Variants in ATXN2 observed in about 807,000 individuals in gnomAD.
ATXN2 encodes ataxin 2.
In ATXN2, 37 loss-of-function variants were observed where a neutral mutation model predicts 138.6. The observed-to-expected ratio is 0.27, with a 90% confidence interval of 0.21 to 0.35. The LOEUF (loss-of-function observed/expected upper bound fraction) is 0.35. ATXN2 is among the 10% of genes least tolerant of loss of function. The pLI, the probability that ATXN2 is intolerant of heterozygous loss-of-function variation, is 1.00. For synonymous variants in ATXN2, 549 were observed against 543.7 expected (o/e 1.01, Z -0.13); for missense variants, 1,216 against 1,480.3 (o/e 0.82, Z 2.93).
chr12:111,492,888 G>C (rs945371581), intron 14 of ATXN2, among the ~76,000 whole-genome samples: 1 of 152,072 alleles, frequency 6.6e-6, no homozygotes, highest in African/African-American at 2.4e-5. Flanking sequence ...CTTTCAGACA[G>C]AATTCAAGCT....
At chr12:111,472,671 C>A (rs1369298837) in intron 18 of ATXN2, among the ~76,000 whole-genome samples, 1 of 152,112 alleles carries the variant, frequency 6.6e-6, no homozygotes. Context: ...TGGGTTCAAG[C>A]GATTCTCCTA....
chr12:111,533,371 G>A (rs527782684), intron 5 of ATXN2, among the ~76,000 whole-genome samples: 4 of 152,116 alleles, frequency 2.6e-5, no homozygotes, highest in South Asian at 2.1e-4. Context: ...GCATACTCTC[G>A]CATACTTTAA....
At position 111,559,408 on chromosome 12, in the gene ATXN2, G is replaced by A. The variant is rs1240943537; in HGVS notation, c.252-3489C>T. Among the ~76,000 whole-genome samples the A allele has an allele frequency of 5.3e-5, 8 of 151,390 alleles. No homozygotes were observed. The South Asian group carries it at 6.2e-4, about 12-fold the overall frequency. On this transcript the variant is annotated intron_variant, in intron 1 of 24. Coordinates refer to ENST00000673436, the MANE Select transcript of ATXN2 (RefSeq NM_001372574.1). ...GCTACCACGCCCGGCCAAAGATGACGGTTTAACAAATAAATCACATGGGAC... is the reference window on the plus strand; with the variant it reads ...GCTACCACGCCCGGCCAAAGATGACAGTTTAACAAATAAATCACATGGGAC...
At chr12:111,502,698 T>C (rs988382252) in intron 14 of ATXN2, among the ~76,000 whole-genome samples, 2 of 152,186 alleles carry the variant, frequency 1.3e-5, no homozygotes, top group African/African-American at 4.8e-5. Flanking sequence ...CCCAAAGTGC[T>C]GGGATTACAG....
chr12:111,504,186 A>G (rs1395754492), intron 14 of ATXN2, among the ~76,000 whole-genome samples: 1 of 152,250 alleles, frequency 6.6e-6, no homozygotes, highest in African/African-American at 2.4e-5. Flanking sequence ...TGCCATAAGG[A>G]TAAGACATAG....
intron 20 of ATXN2, among the ~76,000 whole-genome samples, chr12:111,465,926 G>A (rs1875975788): frequency 1.3e-5 from 2 of 151,934 alleles, no homozygotes; most frequent in Admixed American, 1.3e-4. Flanking sequence ...AGCACTTTGG[G>A]AGGCTGAGGT....
intron 5 of ATXN2, among the ~76,000 whole-genome samples, chr12:111,535,430 C>T (rs1001356614): frequency 2.0e-5 from 3 of 151,690 alleles, no homozygotes; most frequent in African/African-American, 7.3e-5. Context: ...CGAGACCAGC[C>T]TGGGAAACAC....
chr12:111,592,782 CAAA>C (rs71083183), intron 1 of ATXN2, among the ~76,000 whole-genome samples: 20 of 26,032 alleles, frequency 7.7e-4, no homozygotes, highest in South Asian at 4.0e-3. Context: ...GACTCCGTCT[CAAA>C]AAAAAAAAAA....
chr12:111,566,308 T>C (rs992676603), intron 1 of ATXN2, among the ~76,000 whole-genome samples: 4 of 151,828 alleles, frequency 2.6e-5, no homozygotes, highest in African/African-American at 9.7e-5. Flanking sequence ...GGTGCATGCC[T>C]GTAATCCCAG....
At chr12:111,522,108 T>G (rs1375202212) in intron 6 of ATXN2, among the ~76,000 whole-genome samples, 1 of 151,830 alleles carries the variant, frequency 6.6e-6, no homozygotes, top group Non-Finnish European at 1.5e-5. Context: ...CCTGTGCTAC[T>G]CCAGGTAAGA....
chr12:111,459,255 T>C (rs1314485679), intron 21 of ATXN2, among the ~76,000 whole-genome samples: 1 of 152,210 alleles, frequency 6.6e-6, no homozygotes, highest in Non-Finnish European at 1.5e-5. Context: ...CCCATAAGTC[T>C]ATAAGACAGT....
At chr12:111,562,329 G>C (rs1024280108) in intron 1 of ATXN2, among the ~76,000 whole-genome samples, 3 of 152,012 alleles carry the variant, frequency 2.0e-5, no homozygotes, top group African/African-American at 7.3e-5. Context: ...GCTACAGATG[G>C]GAGGTTCACT....
chr12:111,534,951 A>G (rs1881062629), intron 5 of ATXN2, among the ~76,000 whole-genome samples: 1 of 152,142 alleles, frequency 6.6e-6, no homozygotes, highest in Non-Finnish European at 1.5e-5. Context: ...CCTGTGCAAC[A>G]CAGTGAGACA....
chr12:111,499,286 G>T (rs1878606480), intron 14 of ATXN2, among the ~76,000 whole-genome samples: 1 of 152,158 alleles, frequency 6.6e-6, no homozygotes, highest in Admixed American at 6.5e-5. Context: ...GAAAATATTT[G>T]CAAACTACTC....
chr12:111,484,956 G>C (rs1213927643), intron 18 of ATXN2, among the ~76,000 whole-genome samples: 2 of 152,118 alleles, frequency 1.3e-5, no homozygotes, highest in Non-Finnish European at 2.9e-5. Context: ...TTGGGCTCCT[G>C]AGCTCAAGCA....
intron 18 of ATXN2, among the ~76,000 whole-genome samples, chr12:111,472,498 C>T (rs1449195230): frequency 6.6e-6 from 1 of 152,096 alleles, no homozygotes; most frequent in African/African-American, 2.4e-5. Flanking sequence ...GTTACACTAA[C>T]ATTAAAAAAG....
chr12:111,575,349 T>C (rs180720778), intron 1 of ATXN2, among the ~76,000 whole-genome samples: 299 of 152,160 alleles, frequency 2.0e-3, no homozygotes, highest in African/African-American at 6.3e-3. Context: ...CATCCCCCAT[T>C]AATTAAAAAA....
intron 1 of ATXN2, among the ~76,000 whole-genome samples, chr12:111,576,981 C>T (rs1592920598): frequency 6.6e-6 from 1 of 151,078 alleles, no homozygotes; most frequent in Admixed American, 6.7e-5. Flanking sequence ...AATAAATAAA[C>T]AAACAAACAA....
intron 7 of ATXN2, among the ~76,000 whole-genome samples, 158 bp downstream of exon 7, chr12:111,520,724 C>CT (rs894845148): frequency 6.6e-6 from 1 of 151,914 alleles, no homozygotes; most frequent in African/African-American, 2.4e-5. Context: ...CATTTATTCC[C>CT]TTTTTTTAAT....
Sources: allele counts gnomAD v4.1 joint callset (sites outside exome capture counted in the v4.1 genomes callset), GRCh38; gene constraint gnomAD v4.1.1; transcripts MANE v1.5; gene names NCBI Gene and HGNC (gene_info 2026-07-23, HGNC 2026-07-21).